EYS: variants seen among roughly 807,000 people sequenced by gnomAD.
The protein encoded by EYS is EGF-like photoreceptor maintenance factor.
EYS carries 250 observed loss-of-function variants against 282.1 expected under a neutral mutation model. The observed-to-expected ratio is 0.89, with a 90% CI of 0.80 to 0.98. The LOEUF (loss-of-function observed/expected upper bound fraction) is 0.98. Ranked by LOEUF, EYS falls within the 50% of genes least tolerant of loss-of-function variation. EYS has a pLI of 0.00. For missense variants in EYS, 4,016 were observed against 3,709.0 expected (o/e 1.08, Z -2.15); for synonymous variants, 1,355 against 1,282.9 (o/e 1.06, Z -1.20).
rs995672021 is a variant in EYS at position 65,491,528 on chromosome 6, A to T, written c.749-821T>A. 4 of 406,654 alleles carry T rather than the reference A, an allele frequency of 9.8e-6. No individual in the cohort carries two copies. The East Asian group carries it at 2.9e-4, about 29-fold the overall frequency. 25.2% of individuals were successfully genotyped at this position (406,654 alleles called of 1,614,324 possible). A position where few individuals can be genotyped will look rare whatever the true frequency, so the allele number is the denominator to read the frequency against. On this transcript the variant is annotated intron_variant, in intron 4 of 42. Transcript: ENST00000503581. The stretch of plus-strand genomic sequence containing the variant: ...ATCATTGATGTCTTTCAAATTCCTT[A>T]TATACTGACATCCCTGCCTCACTAA...
At chr6:64,531,253 T>G (rs2150531726) in intron 26 of EYS, among the ~76,000 whole-genome samples, 1 of 152,230 alleles carries the variant, frequency 6.6e-6, no homozygotes, top group South Asian at 2.1e-4. Context: ...AACAACAAAA[T>G]ATAAAAGTTA....
rs188710753 is a variant in EYS at position 64,024,223 on chromosome 6, C to A, written c.6726-25040G>T. Among the ~76,000 whole-genome samples, 381 of 152,302 alleles carry A rather than the reference C, an allele frequency of 2.5e-3. 1 individual carries two copies. Among genetic ancestry groups the A allele is most frequent in the African/African-American group, 7.5e-3 (310 of 41,564 alleles). Reference sequence around the variant, plus strand: ...CTGAGTCTGGTGGGGACTTGCAGAACCTTTATGTCTAGCTAAGGGATTGTA... The same window carrying A: ...CTGAGTCTGGTGGGGACTTGCAGAAACTTTATGTCTAGCTAAGGGATTGTA... On this transcript the variant is annotated intron_variant, in intron 33 of 42. Transcript: ENST00000503581.
intron 2 of EYS, among the ~76,000 whole-genome samples, chr6:65,578,093 A>G (rs549512794): frequency 6.6e-6 from 1 of 152,032 alleles, no homozygotes; most frequent in South Asian, 2.1e-4. Context: ...TCCAAAGAGT[A>G]TGAAATCAGT....
intron 5 of EYS, among the ~76,000 whole-genome samples, chr6:65,445,514 T>A (rs757823143): frequency 5.3e-5 from 8 of 151,764 alleles, no homozygotes; most frequent in Non-Finnish European, 1.2e-4. Context: ...CTTGTAGCCC[T>A]TTTTGGATCT....
intron 12 of EYS, among the ~76,000 whole-genome samples, chr6:65,285,079 G>A (rs778896758): frequency 2.0e-5 from 3 of 151,866 alleles, no homozygotes; most frequent in Non-Finnish European, 4.4e-5. Context: ...AGAATGACAT[G>A]TAATGGAAGC....
At chr6:65,170,227 C>G (rs902584822) in intron 12 of EYS, among the ~76,000 whole-genome samples, 1 of 150,694 alleles carries the variant, frequency 6.6e-6, no homozygotes, top group Non-Finnish European at 1.5e-5. Flanking sequence ...CGCGCGTGCA[C>G]GCACACACAC....
chr6:65,484,900 C>T (rs1052185453), intron 5 of EYS, among the ~76,000 whole-genome samples: 5 of 152,164 alleles, frequency 3.3e-5, no homozygotes, highest in African/African-American at 1.2e-4. Flanking sequence ...GAAATCCACA[C>T]ATTTATGTTT....
chr6:64,946,230 C>T (rs1246617797), intron 14 of EYS, among the ~76,000 whole-genome samples: 1 of 151,864 alleles, frequency 6.6e-6, no homozygotes. Flanking sequence ...GCATGTTAGT[C>T]ATATGATGGT....
At chr6:64,553,545 A>ACGCC (rs1491428074) in intron 26 of EYS, among the ~76,000 whole-genome samples, 1 of 46,458 alleles carries the variant, frequency 2.2e-5, no homozygotes, top group Non-Finnish European at 4.5e-5. Context: ...CTTTTGTTTG[A>ACGCC]CCCCCCCCCC....
At chr6:64,598,693 T>A (rs929443719) in intron 24 of EYS, among the ~76,000 whole-genome samples, 1 of 152,200 alleles carries the variant, frequency 6.6e-6, no homozygotes, top group Non-Finnish European at 1.5e-5. Context: ...GATCAATATC[T>A]AAGTGCCAGT....
intron 12 of EYS, among the ~76,000 whole-genome samples, chr6:65,242,830 G>A (rs969844675): frequency 1.1e-4 from 17 of 151,790 alleles, no homozygotes; most frequent in African/African-American, 1.7e-4. Flanking sequence ...AAGTGGTAGC[G>A]TTTTCAAGTT....
At chr6:63,927,768 C>T (rs756405762) in intron 35 of EYS, among the ~76,000 whole-genome samples, 14 of 152,174 alleles carry the variant, frequency 9.2e-5, no homozygotes, top group Non-Finnish European at 1.5e-4. Flanking sequence ...CTGAGACAGA[C>T]GCTGGGCAGC....
chr6:64,735,300 G>A (rs1772150666), intron 22 of EYS, among the ~76,000 whole-genome samples: 1 of 152,146 alleles, frequency 6.6e-6, no homozygotes, highest in African/African-American at 2.4e-5. Flanking sequence ...AGCCAGGATG[G>A]TCTCGATCTC....
At chr6:64,752,280 A>T (rs947210936) in intron 22 of EYS, among the ~76,000 whole-genome samples, 3 of 152,180 alleles carry the variant, frequency 2.0e-5, no homozygotes, top group Non-Finnish European at 1.5e-5. Flanking sequence ...GATATGAATT[A>T]AAAATCCACT....
At chr6:64,838,580 C>T (rs1489045798) in intron 19 of EYS, among the ~76,000 whole-genome samples, 1 of 150,534 alleles carries the variant, frequency 6.6e-6, no homozygotes, top group African/African-American at 2.4e-5. Context: ...AACAATATGG[C>T]TATAATATAG....
chr6:63,871,884 C>T (rs1028526826), intron 35 of EYS, among the ~76,000 whole-genome samples: 1 of 152,080 alleles, frequency 6.6e-6, no homozygotes, highest in African/African-American at 2.4e-5. Flanking sequence ...GCTGGAGGCA[C>T]GCGCAGGAAA....
chr6:64,422,656 GATTATT>G (rs910349353), intron 28 of EYS, among the ~76,000 whole-genome samples: 2 of 152,108 alleles, frequency 1.3e-5, no homozygotes, highest in African/African-American at 4.8e-5. Context: ...ATCTTCACAT[GATTATT>G]ATTATCACAT....
At chr6:63,881,254 G>A (rs1488778290) in intron 35 of EYS, among the ~76,000 whole-genome samples, 2 of 152,034 alleles carry the variant, frequency 1.3e-5, no homozygotes, top group African/African-American at 4.8e-5. Context: ...ATCTCCATCT[G>A]CAGGAAGCAA....
chr6:64,494,403 G>A (rs1776829542), intron 26 of EYS, among the ~76,000 whole-genome samples: 1 of 151,544 alleles, frequency 6.6e-6, no homozygotes, highest in Non-Finnish European at 1.5e-5. Flanking sequence ...TGATTTTCCA[G>A]GCAAAATGTA....
Sources: allele counts gnomAD v4.1 joint callset (sites outside exome capture counted in the v4.1 genomes callset), GRCh38; gene constraint gnomAD v4.1.1; transcripts MANE v1.5; gene names NCBI Gene and HGNC (gene_info 2026-07-23, HGNC 2026-07-21).